Variants in EMC7 observed in about 807,000 individuals in gnomAD.
EMC7 encodes ER membrane protein complex subunit 7, also known as endoplasmic reticulum membrane protein complex subunit 7.
A neutral mutation model predicts 24.4 loss-of-function variants in EMC7; 4 were observed. The observed-to-expected ratio is 0.16, with a 90% CI of 0.08 to 0.38. EMC7 has a LOEUF of 0.38. Ranked by LOEUF, EMC7 falls within the 10% of genes least tolerant of loss-of-function variation. EMC7 has a pLI of 1.00. For synonymous variants in EMC7, 106 were observed against 112.0 expected (o/e 0.95, Z 0.34); for missense variants, 221 against 300.6 (o/e 0.74, Z 1.96).
chr15:34,101,702 C>T lies in EMC7; in HGVS notation c.138G>A (p.Lys46=), dbSNP rs769614065. ...CTGGAACAACTGCACGCCCCTCAAT[C>T]TTGAAGCGATCTCCTATGCCGACCC... ...GSGVGIGDRF[K]IEGRAVVPGV... The change falls in exon 1 of 5, where the codon AAG becomes AAA. Residue 46 remains lysine (K), a synonymous_variant. Coordinates refer to ENST00000256545, the MANE Select transcript of EMC7 (RefSeq NM_020154.3). 4.3e-6 allele frequency: 7 copies of T among 1,613,888 alleles called. No individual in the cohort carries two copies. Among genetic ancestry groups the T allele is most frequent in the Non-Finnish European group, 5.9e-6 (7 of 1,179,986 alleles).
rs376147512 is a variant in EMC7 at position 34,090,383 on chromosome 15, T to C, written c.429A>G (p.Ser143=). The part of the protein sequence containing the change: ...RLPYPLQMKS[S]GPPSYFIKRE... ...TTTTAATAAAGTAAGAAGGTGGACC[T>C]GAAGATTTCATTTGGAGAGGATAGG... is the stretch of plus-strand genomic sequence containing the variant. The change falls in exon 3 of 5, where the codon TCA becomes TCG. Residue 143 remains serine (S), a synonymous_variant. Coordinates refer to ENST00000256545, the MANE Select transcript of EMC7 (RefSeq NM_020154.3). 181 of 1,614,002 alleles carry C rather than the reference T, an allele frequency of 1.1e-4. No individual in the cohort carries two copies. Among genetic ancestry groups the C allele is most frequent in the Middle Eastern group, 1.6e-4 (1 of 6,082 alleles).
chr15:34,092,896 G>A (rs562850199), intron 2 of EMC7, among the ~76,000 whole-genome samples: 13 of 152,182 alleles, frequency 8.5e-5, no homozygotes, highest in African/African-American at 2.9e-4. Flanking sequence ...AGTCAAAAAT[G>A]CATTTAATAC....
intron 1 of EMC7, among the ~76,000 whole-genome samples, chr15:34,098,457 C>CTT (rs560201784): frequency 0.019 from 2,499 of 132,280 alleles, 98 homozygotes; most frequent in African/African-American, 0.056. Context: ...TTCTTTCTTT[C>CTT]TTTTTTTTTT....
At chr15:34,093,468 C>T (rs1901010570) in intron 2 of EMC7, among the ~76,000 whole-genome samples, 1 of 150,430 alleles carries the variant, frequency 6.6e-6, no homozygotes, top group Non-Finnish European at 1.5e-5. Context: ...TAAGTTGAAC[C>T]ATTGTAAGCT....
intron 2 of EMC7, among the ~76,000 whole-genome samples, chr15:34,093,821 ATATTT>A (rs1478904526): frequency 9.2e-5 from 2 of 21,836 alleles, no homozygotes; most frequent in African/African-American, 2.5e-4. Context: ...ATATATATAT[ATATTT>A]TTTTTTTTTT....
intron 1 of EMC7, 127 bp downstream of exon 1, chr15:34,101,477 C>T (rs1441044116): frequency 1.0e-6 from 1 of 982,732 alleles, no homozygotes; most frequent in South Asian, 1.6e-5. Context: ...CGGCATAGAC[C>T]GTTAGCGGCA....
At chr15:34,093,823 A>ATT (rs753095506) in intron 2 of EMC7, among the ~76,000 whole-genome samples, 1 of 48,714 alleles carries the variant, frequency 2.1e-5, no homozygotes. Flanking sequence ...ATATATATAT[A>ATT]TTTTTTTTTT....
At chr15:34,097,172 T>C (rs965950367) in intron 1 of EMC7, among the ~76,000 whole-genome samples, 5 of 151,862 alleles carry the variant, frequency 3.3e-5, no homozygotes, top group African/African-American at 1.2e-4. Context: ...TAGCTGGGAC[T>C]ACAGGCGCCC....
At chr15:34,090,523 T>A in intron 2 of EMC7, 68 bp from the exon 3 acceptor site, 4 of 1,478,020 alleles carry the variant, frequency 2.7e-6, no homozygotes, top group Non-Finnish European at 3.7e-6. Flanking sequence ...AAGAACTGCT[T>A]ATATTATATT....
chr15:34,088,035 G>A lies in EMC7; in HGVS notation c.576+18C>T, dbSNP rs751201448. The A allele has an allele frequency of 6.3e-7, 1 of 1,592,030 alleles. No individual in the cohort carries two copies. The highest frequency in any genetic ancestry group is 8.5e-7 in the Non-Finnish European group (1 of 1,172,386). ...TCTCTTAAAAAAAAAAAAATCCATAGCTGGACCATCATCTTACCCGTCTCA... is the reference window on the plus strand; with the variant it reads ...TCTCTTAAAAAAAAAAAAATCCATAACTGGACCATCATCTTACCCGTCTCA... On this transcript the variant is annotated intron_variant, in intron 4 of 4. Coordinates refer to ENST00000256545, the MANE Select transcript of EMC7 (RefSeq NM_020154.3).
At position 34,101,589 on chromosome 15, in the gene EMC7, C is replaced by T. The variant is rs1422848248; in HGVS notation, c.236+15G>A. 6.2e-7 allele frequency: 1 copy of T among 1,613,022 alleles called. No homozygotes were observed. Among genetic ancestry groups the T allele is most frequent in the Non-Finnish European group, 8.5e-7 (1 of 1,179,446 alleles). ...TCCATCCCAGCCTTTTTCCCGCTGC[C>T]CTCAGGATGCTCACTTAAGGAAACC... On this transcript the variant is annotated intron_variant, in intron 1 of 4. Coordinates refer to ENST00000256545, the MANE Select transcript of EMC7 (RefSeq NM_020154.3).
intron 1 of EMC7, among the ~76,000 whole-genome samples, chr15:34,096,419 T>C (rs1329971627): frequency 4.0e-5 from 6 of 151,862 alleles, no homozygotes; most frequent in Non-Finnish European, 1.5e-5. Flanking sequence ...AATCCACCCG[T>C]CTCAGCCTCC....
At chr15:34,088,892 G>GGGCTGAAGTGTGGTGGTGCAC (rs1900933319) in intron 3 of EMC7, among the ~76,000 whole-genome samples, 1 of 152,070 alleles carries the variant, frequency 6.6e-6, no homozygotes, top group South Asian at 2.1e-4. Context: ...GTCTCGCTCT[G>GGGCTGAAGTGTGGTGGTGCAC]TTCCCCGGGC....
At chr15:34,101,508 C>T (rs1901172908) in intron 1 of EMC7, 96 bp downstream of exon 1, 2 of 1,333,226 alleles carry the variant, frequency 1.5e-6, no homozygotes, top group Non-Finnish European at 2.1e-6. Flanking sequence ...CAGTCTGAGA[C>T]AGCGACGTTG....
At chr15:34,092,385 G>GA (rs1186950556) in intron 2 of EMC7, among the ~76,000 whole-genome samples, 1 of 151,862 alleles carries the variant, frequency 6.6e-6, no homozygotes, top group African/African-American at 2.4e-5. Context: ...ATATTGCTCT[G>GA]AAGCCCAGGC....
intron 1 of EMC7, 34 bp from the exon 2 acceptor site, chr15:34,096,048 G>T: frequency 6.7e-7 from 1 of 1,482,956 alleles, no homozygotes; most frequent in South Asian, 1.4e-5. Context: ...AGCTACTACT[G>T]ATCAACAGCT....
intron 1 of EMC7, among the ~76,000 whole-genome samples, chr15:34,096,710 AGGCGTG>A (rs1901073103): frequency 6.6e-6 from 1 of 151,660 alleles, no homozygotes; most frequent in Non-Finnish European, 1.5e-5. Context: ...ATGGCAGGCC[AGGCGTG>A]GTGGCTGCCG....
chr15:34,094,284 G>A (rs1310618639), intron 2 of EMC7, among the ~76,000 whole-genome samples: 1 of 151,800 alleles, frequency 6.6e-6, no homozygotes, highest in Non-Finnish European at 1.5e-5. Context: ...GCTCACACCT[G>A]TAATCCCAGG....
intron 2 of EMC7, among the ~76,000 whole-genome samples, chr15:34,092,120 C>A (rs1900981632): frequency 2.0e-5 from 3 of 151,930 alleles, no homozygotes; most frequent in Admixed American, 2.0e-4. Flanking sequence ...CAAAAATTAG[C>A]CAGGCATGGT....
Sources: allele counts gnomAD v4.1 joint callset (sites outside exome capture counted in the v4.1 genomes callset), GRCh38; gene constraint gnomAD v4.1.1; transcripts MANE v1.5; gene names NCBI Gene and HGNC (gene_info 2026-07-23, HGNC 2026-07-21).